Variants in CHTOP observed in about 807,000 individuals in gnomAD.
CHTOP encodes the protein chromatin target of PRMT1.
A neutral mutation model predicts 33.6 loss-of-function variants in CHTOP; 18 were observed. The ratio of observed to expected loss-of-function variants is 0.54; its 90% CI spans 0.37 to 0.80. The LOEUF is 0.80. CHTOP is among the 30% of genes least tolerant of loss of function. The pLI is 0.00. For synonymous variants in CHTOP, 117 were observed against 127.7 expected, an observed-to-expected ratio of 0.92 and a Z score of 0.56; for missense variants, 263 against 336.8, an observed-to-expected ratio of 0.78 and a Z score of 1.71.
At chr1:153,642,986 T>TTA (rs1668682034) in intron 4 of CHTOP, 2 of 505,928 alleles carry the variant, frequency 4.0e-6, no homozygotes, top group South Asian at 4.2e-5. Context: ...TAGATATTTA[T>TTA]TAAATGTATG....
At chr1:153,635,575 C>T (rs1029968522) in intron 1 of CHTOP, among the ~76,000 whole-genome samples, 1 of 151,932 alleles carries the variant, frequency 6.6e-6, no homozygotes, top group South Asian at 2.1e-4. Flanking sequence ...AATCCCAGCA[C>T]TTTGGGAGGC....
chr1:153,640,000 C>T (rs1266221399), intron 3 of CHTOP, among the ~76,000 whole-genome samples: 1 of 152,094 alleles, frequency 6.6e-6, no homozygotes, highest in African/African-American at 2.4e-5. Flanking sequence ...TCTTGAACTC[C>T]TGACCTCAAG....
At chr1:153,643,751 GAA>G (rs1668708134) in intron 5 of CHTOP, 1 of 157,464 alleles carries the variant, frequency 6.4e-6, no homozygotes, top group African/African-American at 2.4e-5. Context: ...TGAGAATATA[GAA>G]GAGAGAGAGA....
chr1:153,638,362 C>G lies in CHTOP; in HGVS notation c.133C>G (p.Gln45Glu). The G allele has an allele frequency of 1.2e-6, 2 of 1,614,238 alleles. No individual in the cohort carries two copies. The highest frequency in any genetic ancestry group is 1.7e-6 in the Non-Finnish European group (2 of 1,180,022). ...TATTCGGGCTTCGATGCAGCAACAA[C>G]AGCAGCTAGCCAGTGCCAGAAACAG... The part of the protein sequence containing the change: ...VNIRASMQQQ[Q>E]QLASARNRRL... The change falls in exon 3 of 6, where the codon CAG becomes GAG. Residue 45 changes from glutamine to glutamate, a missense_variant. By Grantham distance (29) the Gln-to-Glu change is conservative. Transcript: ENST00000368694.
rs1668219268 is a variant in CHTOP, at chr1:153,634,304, G to A, written c.-57G>A. The A allele has an allele frequency of 6.5e-6, 1 of 152,956 alleles. No homozygotes were observed. The highest frequency in any genetic ancestry group is 2.1e-4 in the South Asian group (1 of 4,852). 9.5% of individuals were successfully genotyped at this position (152,956 alleles called of 1,614,324 possible). A position where few individuals can be genotyped will look rare whatever the true frequency, so the allele number is the denominator to read the frequency against. On this transcript the variant is annotated 5_prime_UTR_variant, in exon 1 of 6. The change creates a new upstream start codon in the 5' untranslated region. Coordinates refer to ENST00000368694, the MANE Select transcript of CHTOP (RefSeq NM_015607.4). ...CCCCGGCCCGCCTGCCGGAGCCGTG[G>A]TGGCAGCCCCGGGAGGAGCACTGGC...
intron 1 of CHTOP, among the ~76,000 whole-genome samples, chr1:153,635,088 G>T (rs888111618): frequency 6.6e-6 from 1 of 152,006 alleles, no homozygotes; most frequent in African/African-American, 2.4e-5. Flanking sequence ...AACCTCAGGT[G>T]ATCCGCCCGC....
chr1:153,645,592 C>T lies in CHTOP; in HGVS notation c.*323C>T. The T allele has an allele frequency of 5.8e-6, 2 of 342,586 alleles. No homozygotes were observed. Among genetic ancestry groups the T allele is most frequent in the Non-Finnish European group, 1.1e-5 (2 of 186,538 alleles). 21.2% of individuals were successfully genotyped at this position (342,586 alleles called of 1,614,324 possible). A position where few individuals can be genotyped will look rare whatever the true frequency, so the allele number is the denominator to read the frequency against. On this transcript the variant is annotated 3_prime_UTR_variant, in exon 6 of 6. Transcript: ENST00000368694. ...TAGAACACCCTCTTCCTACCTCTGT[C>T]TCCCCTCACTTGTCATATGCTCTGA...
Position 153,643,266 on chromosome 1 carries a change from G to T in CHTOP, c.443G>T (p.Arg148Leu). 6 of 1,614,102 alleles carry T rather than the reference G, an allele frequency of 3.7e-6. No homozygotes were observed. Among genetic ancestry groups the T allele is most frequent in the Non-Finnish European group, 5.1e-6 (6 of 1,180,010 alleles). ...CGAGGTGGACGAGCCGTAGCTCCCC[G>T]AATGGGCTTAAGAAGAGGTGGTGTT... The part of the protein sequence containing the change: ...LLRGGRAVAP[R>L]MGLRRGGVRG... Residue 148 changes from arginine to leucine, a missense_variant, in exon 5 of 6, where the codon CGA (arginine) becomes CTA (leucine). Transcript: ENST00000368694.
chr1:153,636,870 T>TA, intron 2 of CHTOP: 1 of 532,476 alleles, frequency 1.9e-6, no homozygotes, highest in South Asian at 2.5e-5. Context: ...CTGAAGTATT[T>TA]ATTTGGTGGG....
Position 153,638,361 on chromosome 1 carries a change from ACAG to A in CHTOP, c.137_139del (p.Gln46del). 2 of 1,614,108 alleles carry A rather than the reference ACAG, an allele frequency of 1.2e-6. No homozygotes were observed. Among genetic ancestry groups the A allele is most frequent in the Non-Finnish European group, 1.7e-6 (2 of 1,179,922 alleles). ...ATATTCGGGCTTCGATGCAGCAACA[ACAG>A]CAGCTAGCCAGTGCCAGAAACAGAA... On this transcript the variant is annotated inframe_deletion, in exon 3 of 6. Coordinates refer to ENST00000368694, the MANE Select transcript of CHTOP (RefSeq NM_015607.4).
In CHTOP at chr1:153,645,094, G is replaced by C. The variant is rs748455930; in HGVS notation, c.572G>C (p.Gly191Ala). ...GRGMIGRGRG[G>A]FGGRGRGRGR... is the part of the protein sequence containing the mutation. ...GGTATGATAGGTCGGGGAAGAGGGG[G>C]CTTTGGAGGCCGAGGCCGAGGCCGT... Residue 191 changes from glycine (G) to alanine (A), a missense_variant, in exon 6 of 6, where the codon GGC (glycine) becomes GCC (alanine). This residue lies in a region of CHTOP where 168 missense variants were observed against 179.9 expected (regional missense o/e 0.93). Coordinates refer to ENST00000368694, the MANE Select transcript of CHTOP (RefSeq NM_015607.4). 1 of 1,613,374 alleles carries C rather than the reference G, an allele frequency of 6.2e-7. No homozygotes were observed. Among genetic ancestry groups the C allele is most frequent in the Non-Finnish European group, 8.5e-7 (1 of 1,179,968 alleles).
intron 3 of CHTOP, among the ~76,000 whole-genome samples, chr1:153,641,931 C>T (rs1056381597): frequency 3.9e-5 from 6 of 152,154 alleles, no homozygotes; most frequent in African/African-American, 1.2e-4. Flanking sequence ...AATGTTCTTA[C>T]GAAAACTTAA....
chr1:153,645,605 T>C lies in CHTOP; in HGVS notation c.*336T>C, dbSNP rs1668792637. On this transcript the variant is annotated 3_prime_UTR_variant, in exon 6 of 6. Coordinates refer to ENST00000368694, the MANE Select transcript of CHTOP (RefSeq NM_015607.4). ...TCCTACCTCTGTCTCCCCTCACTTGTCATATGCTCTGACATGCTAACATTT... is the reference window on the plus strand; with the variant it reads ...TCCTACCTCTGTCTCCCCTCACTTGCCATATGCTCTGACATGCTAACATTT... 3.2e-6 allele frequency: 1 copy of C among 311,610 alleles called. No homozygotes were observed. Among genetic ancestry groups the C allele is most frequent in the African/African-American group, 2.2e-5 (1 of 45,574 alleles). The allele number at this position is 311,610 out of a possible 1,614,324, so 19.3% of individuals were successfully genotyped here.
chr1:153,636,558 AT>A lies in CHTOP; in HGVS notation c.-17-12del, dbSNP rs769094360. On this transcript the variant is annotated splice_polypyrimidine_tract_variant and intron_variant, in intron 1 of 5. Coordinates refer to ENST00000368694, the MANE Select transcript of CHTOP (RefSeq NM_015607.4). Reference sequence around the variant, plus strand: ...CTATTGTGATTTGCTCATTTTACGTATTGTTCTTTGTAGATTCTCGGGATTC... The same window carrying A: ...CTATTGTGATTTGCTCATTTTACGTATGTTCTTTGTAGATTCTCGGGATTC... 1 of 1,604,156 alleles carries A rather than the reference AT, an allele frequency of 6.2e-7. No homozygotes were observed. Among genetic ancestry groups the A allele is most frequent in the Non-Finnish European group, 8.5e-7 (1 of 1,172,208 alleles).
At chr1:153,636,488 T>C in intron 1 of CHTOP, 84 bp from the exon 2 acceptor site, 1 of 1,084,000 alleles carries the variant, frequency 9.2e-7, no homozygotes, top group Non-Finnish European at 1.4e-6. Context: ...AAGGCCTTTT[T>C]ATTTATTTTT....
At position 153,639,431 on chromosome 1, in the gene CHTOP, G is replaced by A. The variant is rs184053987; in HGVS notation, c.219+983G>A. On this transcript the variant is annotated intron_variant, in intron 3 of 5. Transcript: ENST00000368694. ...ATGTCCAAGCTGTGGCTGGGCGTCT[G>A]GAGGGCAGTGCCATGCAACTGTAAG... 6 of 981,302 alleles carry A rather than the reference G, an allele frequency of 6.1e-6. No individual in the cohort carries two copies. In the African/African-American group the frequency reaches 1.0e-4, roughly 17 times the overall value. The allele number at this position is 981,302 out of a possible 1,614,324, so 60.8% of individuals were successfully genotyped here. A position where few individuals can be genotyped will look rare whatever the true frequency, so the allele number is the denominator to read the frequency against.
At chr1:153,641,665 A>G (rs946526601) in intron 3 of CHTOP, among the ~76,000 whole-genome samples, 1 of 152,220 alleles carries the variant, frequency 6.6e-6, no homozygotes, top group Non-Finnish European at 1.5e-5. Context: ...ATCTTAAGGT[A>G]AAAAGTGGAC....
chr1:153,634,859 T>A (rs889407567), intron 1 of CHTOP, among the ~76,000 whole-genome samples: 21 of 105,632 alleles, frequency 2.0e-4, no homozygotes, highest in African/African-American at 6.6e-4. Context: ...TATATATATT[T>A]TTTTTTGGGG....
intron 1 of CHTOP, among the ~76,000 whole-genome samples, chr1:153,634,598 T>TAACA (rs1668247423): frequency 3.1e-5 from 1 of 32,694 alleles, no homozygotes; most frequent in African/African-American, 1.1e-4. Flanking sequence ...GTGGAAGTCT[T>TAACA]GACAGGGCTT....
Sources: allele counts gnomAD v4.1 joint callset (sites outside exome capture counted in the v4.1 genomes callset), GRCh38; gene constraint gnomAD v4.1.1; regional missense constraint gnomAD v4.1.1; transcripts MANE v1.5; gene names NCBI Gene and HGNC (gene_info 2026-07-23, HGNC 2026-07-21).